The following DNAI7 variants were observed in gnomAD, a reference collection of about 807,000 sequenced individuals.
DNAI7 encodes dynein axonemal intermediate chain 7.
In DNAI7, 78 loss-of-function variants were observed where a neutral mutation model predicts 86.6. The ratio of observed to expected loss-of-function variants is 0.90; its 90% CI spans 0.75 to 1.09. The LOEUF (loss-of-function observed/expected upper bound fraction) is 1.09. Ranked by LOEUF, DNAI7 falls within the 50% of genes least tolerant of loss-of-function variation. The pLI, the probability that DNAI7 is intolerant of heterozygous loss-of-function variation, is 0.00. For synonymous variants in DNAI7, 274 were observed against 273.0 expected (o/e 1.00, Z -0.04); for missense variants, 753 against 810.2 (o/e 0.93, Z 0.86).
At chr12:25,157,224 G>C (rs961930918) in intron 4 of DNAI7, among the ~76,000 whole-genome samples, 17 of 144,374 alleles carry the variant, frequency 1.2e-4, no homozygotes, top group African/African-American at 4.4e-4. Flanking sequence ...CTTGCAGAGA[G>C]CAGAGATTGT....
intron 2 of DNAI7, among the ~76,000 whole-genome samples, chr12:25,169,602 C>A (rs1040035790): frequency 1.3e-5 from 2 of 152,136 alleles, no homozygotes; most frequent in Non-Finnish European, 2.9e-5. Context: ...AATCCCAGCA[C>A]TTTGGGAGGC....
At chr12:25,117,706 C>A (rs1940402959) in intron 12 of DNAI7, among the ~76,000 whole-genome samples, 2 of 151,996 alleles carry the variant, frequency 1.3e-5, no homozygotes, top group South Asian at 4.1e-4. Flanking sequence ...GCAATAATGT[C>A]CCATGGCTCA....
At chr12:25,108,178 G>A (rs1949350175), downstream of DNAI7, 1 of 1,144,556 alleles carries the variant, frequency 8.7e-7, no homozygotes, top group African/African-American at 1.5e-5. Flanking sequence ...CAGAATGACT[G>A]TAAGATAGCT....
intron 9 of DNAI7, among the ~76,000 whole-genome samples, chr12:25,123,851 A>G (rs933381959): frequency 1.1e-4 from 17 of 152,216 alleles, no homozygotes; most frequent in African/African-American, 4.1e-4. Context: ...TGATGTAACA[A>G]TAACACATTT....
intron 4 of DNAI7, 82 bp downstream of exon 4, chr12:25,158,390 G>C: frequency 1.9e-6 from 2 of 1,075,260 alleles, no homozygotes. Flanking sequence ...GGTAGCTATG[G>C]GCTGAGAAGG....
chr12:25,151,598 C>G (rs370028340), intron 6 of DNAI7, among the ~76,000 whole-genome samples: 1 of 152,234 alleles, frequency 6.6e-6, no homozygotes, highest in Admixed American at 6.5e-5. Flanking sequence ...CCCACTGCCT[C>G]CCTGCTAACT....
chr12:25,173,735 G>A (rs1046255800), intron 2 of DNAI7, among the ~76,000 whole-genome samples: 1 of 150,362 alleles, frequency 6.7e-6, no homozygotes, highest in Non-Finnish European at 1.5e-5. Flanking sequence ...GATAAACTGT[G>A]ATATATATAT....
chr12:25,181,211 C>T (rs981968748), intron 2 of DNAI7, among the ~76,000 whole-genome samples: 12 of 152,188 alleles, frequency 7.9e-5, no homozygotes, highest in East Asian at 1.9e-4. Flanking sequence ...CCTGGGCTCA[C>T]GCAATTCTCC....
intron 9 of DNAI7, among the ~76,000 whole-genome samples, chr12:25,139,887 T>C (rs1943984220): frequency 6.6e-6 from 1 of 152,132 alleles, no homozygotes; most frequent in South Asian, 2.1e-4. Flanking sequence ...TTCACCATGA[T>C]CAAGTGGGTT....
chr12:25,147,320 T>C (rs1258052002), intron 7 of DNAI7, among the ~76,000 whole-genome samples: 1 of 152,218 alleles, frequency 6.6e-6, no homozygotes. Flanking sequence ...ATGCATCTCC[T>C]TTTTCCATTC....
chr12:25,139,744 T>C (rs1019816008), intron 9 of DNAI7, among the ~76,000 whole-genome samples: 1 of 152,162 alleles, frequency 6.6e-6, no homozygotes, highest in South Asian at 2.1e-4. Context: ...AAATACCTAA[T>C]GTAGATGACA....
intron 7 of DNAI7, 134 bp from the exon 8 acceptor site, chr12:25,147,238 G>A: frequency 7.5e-6 from 4 of 532,960 alleles, no homozygotes; most frequent in Non-Finnish European, 1.0e-5. Context: ...GTAAAAATAA[G>A]GTTCAATCAA....
chr12:25,173,859 ATACCACATC>A (rs1296575003), intron 2 of DNAI7, among the ~76,000 whole-genome samples: 2 of 115,634 alleles, frequency 1.7e-5, no homozygotes, highest in Non-Finnish European at 3.5e-5. Flanking sequence ...CATCATATGT[ATACCACATC>A]ATATATATAT....
At chr12:25,117,575 C>A (rs534608603) in intron 12 of DNAI7, among the ~76,000 whole-genome samples, 1 of 152,112 alleles carries the variant, frequency 6.6e-6, no homozygotes, top group African/African-American at 2.4e-5. Flanking sequence ...ACTCACCAGA[C>A]CAAGATTTTT....
rs780184363 is a variant in DNAI7, at chr12:25,161,207, G to A, written c.22-10C>T. ...TTTTCTTACTGCCAGACTTAACAAAGGCCACATCATAAAAAAGGCTATTAA... is the reference window on the plus strand; with the variant it reads ...TTTTCTTACTGCCAGACTTAACAAAAGCCACATCATAAAAAAGGCTATTAA... On this transcript the variant is annotated splice_polypyrimidine_tract_variant and intron_variant, in intron 2 of 15. Transcript: ENST00000395987. 9 of 1,610,760 alleles carry A rather than the reference G, an allele frequency of 5.6e-6. No homozygotes were observed. The highest frequency in any genetic ancestry group is 6.8e-6 in the Non-Finnish European group (8 of 1,177,340).
intron 2 of DNAI7, among the ~76,000 whole-genome samples, chr12:25,189,093 A>G (rs752435683): frequency 6.6e-6 from 1 of 152,224 alleles, no homozygotes; most frequent in Non-Finnish European, 1.5e-5. Context: ...CTGTATAAAT[A>G]CTGAATACAC....
chr12:25,182,639 A>ACACACACACACAC (rs1555184991), intron 2 of DNAI7, among the ~76,000 whole-genome samples: 371 of 36,914 alleles, frequency 0.01, 2 homozygotes, highest in African/African-American at 0.031. Flanking sequence ...CACACACACA[A>ACACACACACACAC]GCCAGATGTG....
At chr12:25,183,082 C>G (rs1366643685) in intron 2 of DNAI7, among the ~76,000 whole-genome samples, 1 of 152,010 alleles carries the variant, frequency 6.6e-6, no homozygotes, top group Non-Finnish European at 1.5e-5. Flanking sequence ...AAATTATGTC[C>G]TTTGCAGCAA....
At chr12:25,170,013 GGTAGC>G (rs1291272488) in intron 2 of DNAI7, among the ~76,000 whole-genome samples, 1 of 152,100 alleles carries the variant, frequency 6.6e-6, no homozygotes, top group Non-Finnish European at 1.5e-5. Flanking sequence ...AGCGAGCAGG[GGTAGC>G]TATTCTCACA....
Sources: allele counts gnomAD v4.1 joint callset (sites outside exome capture counted in the v4.1 genomes callset), GRCh38; gene constraint gnomAD v4.1.1; transcripts MANE v1.5; gene names NCBI Gene and HGNC (gene_info 2026-07-23, HGNC 2026-07-21).